Variants in GTF2F2 observed in about 807,000 individuals in gnomAD.
GTF2F2 encodes ATP-dependent helicase GTF2F2.
Under a neutral mutation model 42.2 loss-of-function variants are expected in GTF2F2, and 23 were observed. The ratio of observed to expected loss-of-function variants is 0.55; its 90% CI spans 0.39 to 0.77. The LOEUF (loss-of-function observed/expected upper bound fraction) is 0.77. Among genes scored for constraint, GTF2F2 ranks in the 30% least tolerant of loss-of-function variants. The pLI is 0.00. For synonymous variants in GTF2F2, 105 were observed against 100.8 expected, an observed-to-expected ratio of 1.04 and a Z score of -0.25; for missense variants, 261 against 287.2, an observed-to-expected ratio of 0.91 and a Z score of 0.66.
At chr13:45,219,961 G>A (rs1874042370) in intron 5 of GTF2F2, among the ~76,000 whole-genome samples, 2 of 152,172 alleles carry the variant, frequency 1.3e-5, no homozygotes, top group South Asian at 2.1e-4. Context: ...TATGGGCGTG[G>A]TGAGGTTACA....
At chr13:45,223,801 C>T (rs1874218170) in intron 5 of GTF2F2, among the ~76,000 whole-genome samples, 1 of 152,074 alleles carries the variant, frequency 6.6e-6, no homozygotes, top group Admixed American at 6.5e-5. Flanking sequence ...AGCATGTTAA[C>T]AAAGAACTAA....
chr13:45,198,946 G>A (rs960502049), intron 4 of GTF2F2, among the ~76,000 whole-genome samples: 1 of 152,148 alleles, frequency 6.6e-6, no homozygotes, highest in Non-Finnish European at 1.5e-5. Context: ...CCATGTTAAT[G>A]TAATTCTTTT....
chr13:45,196,634 C>T (rs918248450), intron 4 of GTF2F2, among the ~76,000 whole-genome samples: 2 of 152,040 alleles, frequency 1.3e-5, no homozygotes, highest in Non-Finnish European at 2.9e-5. Context: ...TATAGGATAC[C>T]AGAATTAGTA....
At chr13:45,123,228 T>G (rs1593439920) in intron 1 of GTF2F2, 1 of 152,270 alleles carries the variant, frequency 6.6e-6, no homozygotes, top group East Asian at 1.9e-4. Context: ...AGCTGCACGC[T>G]TGACCAAAGA....
At chr13:45,277,492 C>T (rs1427142243) in intron 7 of GTF2F2, among the ~76,000 whole-genome samples, 1 of 152,192 alleles carries the variant, frequency 6.6e-6, no homozygotes, top group Non-Finnish European at 1.5e-5. Flanking sequence ...AGAGTTCCGT[C>T]CCCATGATCC....
intron 4 of GTF2F2, among the ~76,000 whole-genome samples, chr13:45,198,541 C>A (rs1873015700): frequency 6.6e-6 from 1 of 152,178 alleles, no homozygotes; most frequent in African/African-American, 2.4e-5. Flanking sequence ...TTCTCCCCTG[C>A]TATCAAATCT....
chr13:45,191,222 A>ATATATATATATATATATATAT (rs1555267758), intron 4 of GTF2F2, among the ~76,000 whole-genome samples: 4 of 69,956 alleles, frequency 5.7e-5, no homozygotes, highest in Middle Eastern at 7.4e-3. Flanking sequence ...ATACAAAAAA[A>ATATATATATATATATATATAT]AAATATATAT....
intron 4 of GTF2F2, among the ~76,000 whole-genome samples, chr13:45,187,735 A>G (rs1459579359): frequency 6.6e-6 from 1 of 152,230 alleles, no homozygotes; most frequent in Non-Finnish European, 1.5e-5. Context: ...TCTAAGTTGC[A>G]TGCTGTTTTG....
Position 45,120,562 on chromosome 13 carries a change from C to A in GTF2F2, c.-94C>A. 1 of 858,308 alleles carries A rather than the reference C, an allele frequency of 1.2e-6. No homozygotes were observed. The highest frequency in any genetic ancestry group is 1.9e-6 in the Non-Finnish European group (1 of 528,442). 53.2% of individuals were successfully genotyped at this position (858,308 alleles called of 1,614,324 possible). On this transcript the variant is annotated 5_prime_UTR_variant, in exon 1 of 8. Coordinates refer to ENST00000340473, the MANE Select transcript of GTF2F2 (RefSeq NM_004128.3). ...GGAACGCCGGCTCTTCGCCTCTCAG[C>A]GCGGCTTGTCCTTTGTTCCGGACGC...
chr13:45,120,840 T>C (rs1868592035), intron 1 of GTF2F2, 119 bp downstream of exon 1: 1 of 706,902 alleles, frequency 1.4e-6, no homozygotes. Flanking sequence ...CGTTAGAGCT[T>C]CACACATTTT....
intron 4 of GTF2F2, among the ~76,000 whole-genome samples, chr13:45,177,869 A>G (rs1871961144): frequency 6.6e-6 from 1 of 152,230 alleles, no homozygotes; most frequent in South Asian, 2.1e-4. Flanking sequence ...TATTGCTGAA[A>G]GAGTCCACAG....
intron 6 of GTF2F2, among the ~76,000 whole-genome samples, chr13:45,253,625 A>G (rs543530933): frequency 6.6e-6 from 1 of 152,332 alleles, no homozygotes; most frequent in South Asian, 2.1e-4. Flanking sequence ...AAGTTGTGCA[A>G]CCTTCTGAGT....
chr13:45,253,452 G>A (rs77304764), intron 6 of GTF2F2, among the ~76,000 whole-genome samples: 4,359 of 152,144 alleles, frequency 0.029, 192 homozygotes, highest in African/African-American at 0.093. Flanking sequence ...GCTTTCACAG[G>A]CATTTTAATG....
chr13:45,168,701 C>G (rs1048251002), intron 4 of GTF2F2, among the ~76,000 whole-genome samples: 2 of 152,116 alleles, frequency 1.3e-5, no homozygotes, highest in Non-Finnish European at 2.9e-5. Flanking sequence ...CACCCCCTAC[C>G]TCTGGGGCTC....
intron 4 of GTF2F2, among the ~76,000 whole-genome samples, chr13:45,189,422 A>G (rs1351337825): frequency 2.0e-5 from 3 of 152,228 alleles, no homozygotes; most frequent in Non-Finnish European, 2.9e-5. Flanking sequence ...GTACCCAGTA[A>G]TGGGATGGCT....
Position 45,271,825 on chromosome 13 carries a change from ATAT to A in GTF2F2, c.630+4455_630+4457del, listed in dbSNP as rs540682956. ...TCAGACAGGCTGCTTTCTGATTTCT[ATAT>A]TATTAAGAATCATCATCATTAATCC... On this transcript the variant is annotated intron_variant, in intron 7 of 7. Coordinates refer to ENST00000340473, the MANE Select transcript of GTF2F2 (RefSeq NM_004128.3). Among the ~76,000 whole-genome samples, 236 of 152,208 alleles carry A rather than the reference ATAT, an allele frequency of 1.6e-3. 1 individual carries two copies. Among genetic ancestry groups the A allele is most frequent in the Admixed American group, 5.6e-3 (86 of 15,274 alleles).
intron 5 of GTF2F2, among the ~76,000 whole-genome samples, chr13:45,224,262 T>G (rs531574903): frequency 8.5e-5 from 13 of 152,352 alleles, no homozygotes; most frequent in African/African-American, 2.6e-4. Context: ...TCATGTTGAT[T>G]GTGTTACTGT....
chr13:45,282,817 C>G (rs1223447157), intron 7 of GTF2F2, among the ~76,000 whole-genome samples: 1 of 152,104 alleles, frequency 6.6e-6, no homozygotes, highest in African/African-American at 2.4e-5. Context: ...ATTATCACTT[C>G]TTACTCCCTT....
chr13:45,257,008 C>T (rs908985198), intron 6 of GTF2F2, among the ~76,000 whole-genome samples: 3 of 152,098 alleles, frequency 2.0e-5, no homozygotes, highest in Admixed American at 6.5e-5. Context: ...TACATTTGGT[C>T]AGAAAGAAAC....
Sources: allele counts gnomAD v4.1 joint callset (sites outside exome capture counted in the v4.1 genomes callset), GRCh38; gene constraint gnomAD v4.1.1; transcripts MANE v1.5; gene names NCBI Gene and HGNC (gene_info 2026-07-23, HGNC 2026-07-21).